The following GLIS3 variants were observed in gnomAD, a reference collection of about 807,000 sequenced individuals.
GLIS3 encodes the protein GLIS family zinc finger 3, also known as zinc finger protein GLIS3.
In GLIS3, 53 loss-of-function variants were observed where a neutral mutation model predicts 78.6. The observed-to-expected ratio is 0.67, with a 90% CI of 0.54 to 0.85. The LOEUF (loss-of-function observed/expected upper bound fraction) is 0.85. Ranked by LOEUF, GLIS3 falls within the 40% of genes least tolerant of loss-of-function variation. The pLI, the probability that GLIS3 is intolerant of heterozygous loss-of-function variation, is 0.00. For synonymous variants in GLIS3, 684 were observed against 509.9 expected, an observed-to-expected ratio of 1.34 and a Z score of -4.60; for missense variants, 1,703 against 1,231.1, an observed-to-expected ratio of 1.38 and a Z score of -5.74.
At chr9:4,254,487 C>A (rs1554637773) in intron 2 of GLIS3, among the ~76,000 whole-genome samples, 1 of 152,124 alleles carries the variant, frequency 6.6e-6, no homozygotes, top group Non-Finnish European at 1.5e-5. Context: ...TGGAAACAGA[C>A]AAAATGTGCC....
At chr9:4,316,585 A>G (rs965739306) in intron 2 of GLIS3, among the ~76,000 whole-genome samples, 16 of 152,274 alleles carry the variant, frequency 1.1e-4, no homozygotes, top group Middle Eastern at 3.4e-3. Flanking sequence ...GTTTCCACCC[A>G]TACCCCAAAG....
intron 4 of GLIS3, among the ~76,000 whole-genome samples, chr9:3,993,757 C>T (rs1003171318): frequency 2.0e-5 from 3 of 152,092 alleles, no homozygotes; most frequent in African/African-American, 4.8e-5. Flanking sequence ...AATGGCTATA[C>T]CATAATTCAT....
At chr9:4,190,888 T>G (rs1414076929) in intron 2 of GLIS3, among the ~76,000 whole-genome samples, 6 of 152,114 alleles carry the variant, frequency 3.9e-5, no homozygotes, top group Non-Finnish European at 1.5e-5. Context: ...GCAACATTCT[T>G]AAAGAAAAGA....
At chr9:4,386,531 G>C in the GLIS3 span, 2 of 152,056 alleles carry the variant, frequency 1.3e-5, no homozygotes, top group African/African-American at 2.4e-5. Flanking sequence ...GATTCTTGGC[G>C]TGTTGAACAA....
At chr9:4,197,126 A>G (rs1372986445) in intron 2 of GLIS3, among the ~76,000 whole-genome samples, 2 of 152,056 alleles carry the variant, frequency 1.3e-5, no homozygotes, top group Non-Finnish European at 2.9e-5. Flanking sequence ...CTTCCTGTGC[A>G]TAGATTGTGG....
chr9:4,372,366 T>C, the GLIS3 span, among the ~76,000 whole-genome samples: 4 of 152,146 alleles, frequency 2.6e-5, no homozygotes, highest in African/African-American at 7.2e-5. Context: ...TCTTGGGGCT[T>C]TGTGGATCTG....
intron 1 of GLIS3, among the ~76,000 whole-genome samples, chr9:4,288,537 C>A (rs957890842): frequency 2.0e-5 from 3 of 151,906 alleles, no homozygotes; most frequent in Non-Finnish European, 2.9e-5. Context: ...GAATTCTCAT[C>A]AAAAAATCTG....
chr9:4,151,735 T>G, intron 2 of GLIS3, among the ~76,000 whole-genome samples: 1 of 152,346 alleles, frequency 6.6e-6, no homozygotes, highest in South Asian at 2.1e-4. Flanking sequence ...CTCTTCATTA[T>G]GTCTATGAGT....
chr9:4,250,262 G>C (rs961621173), intron 2 of GLIS3, among the ~76,000 whole-genome samples: 1 of 152,068 alleles, frequency 6.6e-6, no homozygotes, highest in African/African-American at 2.4e-5. Flanking sequence ...GCTTTTTTTG[G>C]TTGGTAGGCT....
intron 2 of GLIS3, among the ~76,000 whole-genome samples, chr9:4,270,187 A>G (rs1162671675): frequency 6.6e-6 from 1 of 152,200 alleles, no homozygotes; most frequent in Non-Finnish European, 1.5e-5. Context: ...TGACTCTTAG[A>G]GCCTATCACC....
At chr9:4,448,484 A>G in the GLIS3 span, among the ~76,000 whole-genome samples, 3 of 152,218 alleles carry the variant, frequency 2.0e-5, no homozygotes, top group Non-Finnish European at 4.4e-5. Flanking sequence ...ACAGGCAGTC[A>G]GGTCTTTAAG....
intron 4 of GLIS3, among the ~76,000 whole-genome samples, chr9:3,971,279 A>G (rs1354091993): frequency 1.3e-5 from 2 of 152,152 alleles, no homozygotes; most frequent in African/African-American, 2.4e-5. Flanking sequence ...CTTTCTGCCT[A>G]TGTCACATCA....
intron 2 of GLIS3, among the ~76,000 whole-genome samples, chr9:4,231,960 C>T (rs1377367710): frequency 6.6e-6 from 1 of 152,188 alleles, no homozygotes; most frequent in Non-Finnish European, 1.5e-5. Context: ...GCAATTTGCC[C>T]AACCAATACT....
upstream of GLIS3, among the ~76,000 whole-genome samples, chr9:4,300,654 C>T (rs34777941): frequency 6.6e-6 from 1 of 151,694 alleles, no homozygotes; most frequent in Non-Finnish European, 1.5e-5. Context: ...GCGTATGTTA[C>T]GTCTATAAAG....
rs138731193 is a variant in GLIS3, at chr9:4,020,446, G to A, written c.1711-83257C>T. On this transcript the variant is annotated intron_variant, in intron 4 of 10. Transcript: ENST00000381971. ...AGCATGCTGTTCATTGAGTGCTTGC[G>A]TTTACATCGTACCCAAACACCTGGT... is the stretch of plus-strand genomic sequence containing the variant. Among the ~76,000 whole-genome samples, 556 of 152,202 alleles carry A rather than the reference G, an allele frequency of 3.7e-3. 4 individuals carry two copies. The highest frequency in any genetic ancestry group is 0.012 in the African/African-American group (500 of 41,532).
chr9:4,299,383 T>A (rs1441607441), intron 1 of GLIS3, 38 bp downstream of exon 1: 8 of 152,312 alleles, frequency 5.3e-5, no homozygotes, highest in African/African-American at 1.9e-4. Flanking sequence ...TCTCCTCGTC[T>A]CTCGCCTGCG....
At chr9:3,975,837 G>T (rs1818741439) in intron 4 of GLIS3, among the ~76,000 whole-genome samples, 1 of 151,962 alleles carries the variant, frequency 6.6e-6, no homozygotes, top group Non-Finnish European at 1.5e-5. Flanking sequence ...TGCTTCCACA[G>T]CCCTCATTAA....
chr9:3,913,715 T>G (rs1371668508), intron 6 of GLIS3, among the ~76,000 whole-genome samples: 3 of 152,260 alleles, frequency 2.0e-5, no homozygotes, highest in African/African-American at 7.2e-5. Flanking sequence ...AAGCAATTTC[T>G]CTTCATCTTG....
the GLIS3 span, among the ~76,000 whole-genome samples, chr9:4,361,686 T>G: frequency 1.5e-4 from 23 of 152,246 alleles, no homozygotes; most frequent in African/African-American, 5.5e-4. Context: ...TGATTTGACC[T>G]TGCTCTGACC....
Sources: gnomAD v4.1 joint callset for allele counts (sites outside exome capture counted in the v4.1 genomes callset) on GRCh38, gnomAD v4.1.1 for gene constraint, MANE v1.5 for transcripts, NCBI Gene and HGNC (gene_info 2026-07-23, HGNC 2026-07-21) for gene names.